ARL6IP5: variants seen among roughly 807,000 people sequenced by gnomAD.
The protein encoded by ARL6IP5 is PRA1 family protein 3.
A neutral mutation model predicts 13.0 loss-of-function variants in ARL6IP5; 6 were observed. The observed-to-expected ratio is 0.46, with a 90% CI of 0.25 to 0.91. The LOEUF (loss-of-function observed/expected upper bound fraction) is 0.91. ARL6IP5 is among the 40% of genes least tolerant of loss of function. The pLI, the probability that ARL6IP5 is intolerant of heterozygous loss-of-function variation, is 0.17. For synonymous variants in ARL6IP5, 91 were observed against 91.9 expected (o/e 0.99, Z 0.06); for missense variants, 208 against 248.8 (o/e 0.84, Z 1.10).
Position 69,085,087 on chromosome 3 carries a change from T to A in ARL6IP5, c.40T>A (p.Phe14Ile). ...NIAPLRAWDD[F>I]FPGSDRFARP... is the part of the protein sequence containing the mutation. ...CGCCCCACTCCGCGCCTGGGACGATTTCTTCCCGGGTTCCGATCGCTTTGC... is the reference window on the plus strand; with the variant it reads ...CGCCCCACTCCGCGCCTGGGACGATATCTTCCCGGGTTCCGATCGCTTTGC... Residue 14 changes from phenylalanine (F) to isoleucine (I), a missense_variant, in exon 1 of 3, where the codon TTC becomes ATC. By Grantham distance (21) the Phe-to-Ile change is conservative. Coordinates refer to ENST00000273258, the MANE Select transcript of ARL6IP5 (RefSeq NM_006407.4). 1.2e-6 allele frequency: 2 copies of A among 1,614,182 alleles called. No homozygotes were observed. The highest frequency in any genetic ancestry group is 8.5e-7 in the Non-Finnish European group (1 of 1,180,030).
At chr3:69,095,821 A>T (rs572843037) in intron 1 of ARL6IP5, among the ~76,000 whole-genome samples, 1 of 152,336 alleles carries the variant, frequency 6.6e-6, no homozygotes, top group East Asian at 1.9e-4. Context: ...GACTATCAGT[A>T]AGTGAAACTC....
Position 69,105,772 on chromosome 3 carries a change from G to C in ARL6IP5, c.*1136G>C, listed in dbSNP as rs1009397689. On this transcript the variant is annotated 3_prime_UTR_variant, in exon 3 of 3. Coordinates refer to ENST00000273258, the MANE Select transcript of ARL6IP5 (RefSeq NM_006407.4). Reference sequence around the variant, plus strand: ...TCCCTTTCTCATGTTTTTATAAATAGGTAATAAAAAATGTTTTGCCTGCCA... The same window carrying C: ...TCCCTTTCTCATGTTTTTATAAATACGTAATAAAAAATGTTTTGCCTGCCA... 1 of 152,092 alleles carries C rather than the reference G, an allele frequency of 6.6e-6. No individual in the cohort carries two copies. The highest frequency in any genetic ancestry group is 1.5e-5 in the Non-Finnish European group (1 of 68,018). 9.4% of individuals were successfully genotyped at this position (152,092 alleles called of 1,614,324 possible). A position where few individuals can be genotyped will look rare whatever the true frequency, so the allele number is the denominator to read the frequency against.
chr3:69,090,763 C>A (rs900422860), intron 1 of ARL6IP5, among the ~76,000 whole-genome samples: 2 of 152,214 alleles, frequency 1.3e-5, no homozygotes, highest in Non-Finnish European at 2.9e-5. Flanking sequence ...TTCCCAAATC[C>A]TCCCAGAATT....
In ARL6IP5 at chr3:69,104,894, C is replaced by G. The variant is rs1457584895; in HGVS notation, c.*258C>G. The G allele has an allele frequency of 1.4e-6, 1 of 702,152 alleles. No homozygotes were observed. The allele number at this position is 702,152 out of a possible 1,614,324, so 43.5% of individuals were successfully genotyped here. ...TTATGAAATCTAATGGGAAATGGAT[C>G]ACACGATTTCTTTAAGGGAATTAAA... On this transcript the variant is annotated 3_prime_UTR_variant, in exon 3 of 3. Coordinates refer to ENST00000273258, the MANE Select transcript of ARL6IP5 (RefSeq NM_006407.4).
Position 69,104,713 on chromosome 3 carries a change from C to A in ARL6IP5, c.*77C>A, listed in dbSNP as rs1029623073. On this transcript the variant is annotated 3_prime_UTR_variant, in exon 3 of 3. Transcript: ENST00000273258. The stretch of plus-strand genomic sequence containing the variant: ...CTTGTCCAGACCTATGTTCTGCTTG[C>A]GTTTTTGAAACAGGAGGTGCACGTA... 1.3e-6 allele frequency: 2 copies of A among 1,527,284 alleles called. No homozygotes were observed. The highest frequency in any genetic ancestry group is 1.8e-6 in the Non-Finnish European group (2 of 1,117,492). 94.6% of individuals were successfully genotyped at this position (1,527,284 alleles called of 1,614,324 possible). A position where few individuals can be genotyped will look rare whatever the true frequency, so the allele number is the denominator to read the frequency against.
chr3:69,088,457 A>G (rs940439209), intron 1 of ARL6IP5, among the ~76,000 whole-genome samples: 1 of 152,198 alleles, frequency 6.6e-6, no homozygotes, highest in African/African-American at 2.4e-5. Context: ...CAGCTCTCCA[A>G]TGTTGGAAAC....
intron 1 of ARL6IP5, among the ~76,000 whole-genome samples, chr3:69,089,511 A>G (rs914178069): frequency 6.6e-6 from 1 of 152,082 alleles, no homozygotes; most frequent in Non-Finnish European, 1.5e-5. Flanking sequence ...TTATTCTGAA[A>G]AGTTCTTTCC....
intron 1 of ARL6IP5, among the ~76,000 whole-genome samples, chr3:69,089,525 A>T (rs73835716): frequency 0.12 from 17,590 of 151,528 alleles, 1,198 homozygotes; most frequent in East Asian, 0.27. Flanking sequence ...TCTTTCCTGG[A>T]TGGGTATAGT....
At chr3:69,102,801 G>T (rs182877934) in intron 2 of ARL6IP5, among the ~76,000 whole-genome samples, 2 of 152,236 alleles carry the variant, frequency 1.3e-5, no homozygotes, top group Admixed American at 1.3e-4. Flanking sequence ...TAAAAGTTTG[G>T]TAAGTCTATA....
intron 1 of ARL6IP5, among the ~76,000 whole-genome samples, chr3:69,097,529 A>T (rs2092290981): frequency 6.6e-6 from 1 of 152,084 alleles, no homozygotes; most frequent in Non-Finnish European, 1.5e-5. Flanking sequence ...AAGAGTTTCA[A>T]GGCCTCTTCA....
chr3:69,105,402 T>C lies in ARL6IP5; in HGVS notation c.*766T>C, dbSNP rs2092319566. 6.6e-6 allele frequency: 1 copy of C among 152,280 alleles called. No homozygotes were observed. Among genetic ancestry groups the C allele is most frequent in the African/African-American group, 2.4e-5 (1 of 41,466 alleles). 9.4% of individuals were successfully genotyped at this position (152,280 alleles called of 1,614,324 possible). ...AATAAAACAAAACTTGAGTTCTATT[T>C]ACCTTGCACATTTTTTGTTGTTACA... On this transcript the variant is annotated 3_prime_UTR_variant, in exon 3 of 3. Coordinates refer to ENST00000273258, the MANE Select transcript of ARL6IP5 (RefSeq NM_006407.4).
intron 1 of ARL6IP5, 28 bp from the exon 2 acceptor site, chr3:69,101,811 C>A: frequency 6.3e-7 from 1 of 1,581,622 alleles, no homozygotes; most frequent in Non-Finnish European, 8.7e-7. Context: ...AACTAGTCAC[C>A]CCTCATTTTT....
chr3:69,092,958 A>G (rs1179311633), intron 1 of ARL6IP5, among the ~76,000 whole-genome samples: 1 of 152,182 alleles, frequency 6.6e-6, no homozygotes, highest in African/African-American at 2.4e-5. Flanking sequence ...AGTGATGAGC[A>G]TACATGAAGA....
Position 69,104,690 on chromosome 3 carries a change from T to C in ARL6IP5, c.*54T>C, listed in dbSNP as rs549790976. The stretch of plus-strand genomic sequence containing the variant: ...CAGAAATTGAGTTGCAGCTTGCCCT[T>C]GTCCAGACCTATGTTCTGCTTGCGT... On this transcript the variant is annotated 3_prime_UTR_variant, in exon 3 of 3. Transcript: ENST00000273258. The C allele has an allele frequency of 3.1e-6, 5 of 1,588,272 alleles. No homozygotes were observed. The African/African-American group carries it at 5.4e-5, about 17-fold the overall frequency.
chr3:69,102,191 A>C (rs1397899520), intron 2 of ARL6IP5, 135 bp downstream of exon 2: 6 of 908,822 alleles, frequency 6.6e-6, no homozygotes, highest in Non-Finnish European at 1.0e-5. Flanking sequence ...ACAGCTTTCT[A>C]CTTGTTATCC....
intron 1 of ARL6IP5, among the ~76,000 whole-genome samples, chr3:69,086,568 G>A (rs1260031984): frequency 6.6e-6 from 1 of 152,194 alleles, no homozygotes; most frequent in Non-Finnish European, 1.5e-5. Flanking sequence ...TGTATAGAGG[G>A]CACAGGCTCT....
At chr3:69,100,246 G>A (rs1374863291) in intron 1 of ARL6IP5, among the ~76,000 whole-genome samples, 2 of 152,128 alleles carry the variant, frequency 1.3e-5, no homozygotes, top group Non-Finnish European at 2.9e-5. Context: ...TCTACATAAT[G>A]TGTTTCCTCC....
intron 1 of ARL6IP5, among the ~76,000 whole-genome samples, chr3:69,095,958 A>G (rs1293105129): frequency 2.0e-5 from 3 of 152,184 alleles, no homozygotes; most frequent in Non-Finnish European, 2.9e-5. Flanking sequence ...TGTTGACTAA[A>G]AAGCATCTCA....
chr3:69,094,633 T>C (rs1380702321), intron 1 of ARL6IP5, among the ~76,000 whole-genome samples: 1 of 152,148 alleles, frequency 6.6e-6, no homozygotes, highest in Non-Finnish European at 1.5e-5. Context: ...TGGAACTCAG[T>C]GCAAAGCTGC....
Sources: allele counts gnomAD v4.1 joint callset (sites outside exome capture counted in the v4.1 genomes callset), GRCh38; gene constraint gnomAD v4.1.1; transcripts MANE v1.5; gene names NCBI Gene and HGNC (gene_info 2026-07-23, HGNC 2026-07-21).